The following COX15 variants were observed in gnomAD, a reference collection of about 807,000 sequenced individuals.
The protein encoded by COX15 is cytochrome c oxidase assembly factor COX15, also known as heme A synthase COX15.
Under a neutral mutation model 51.9 loss-of-function variants are expected in COX15, and 51 were observed. The ratio of observed to expected loss-of-function variants is 0.98; its 90% CI spans 0.78 to 1.24. The LOEUF (loss-of-function observed/expected upper bound fraction) is 1.24. Among genes scored for constraint, COX15 ranks in the 50% most tolerant of loss-of-function variants. The pLI, the probability that COX15 is intolerant of heterozygous loss-of-function variation, is 0.00. For missense variants in COX15, 420 were observed against 501.1 expected, an observed-to-expected ratio of 0.84 and a Z score of 1.55; for synonymous variants, 188 against 190.5, an observed-to-expected ratio of 0.99 and a Z score of 0.11.
intron 3 of COX15, 96 bp from the exon 4 acceptor site, chr10:99,727,250 C>T (rs545164430): frequency 2.8e-5 from 41 of 1,488,932 alleles, no homozygotes; most frequent in Non-Finnish European, 3.6e-5. Flanking sequence ...CTCAGTCCTG[C>T]AACTTGGTAG....
intron 5 of COX15, 106 bp from the exon 6 acceptor site, chr10:99,721,174 C>T (rs1469322883): frequency 1.1e-5 from 9 of 829,906 alleles, no homozygotes; most frequent in Non-Finnish European, 1.8e-5. Context: ...ATCAGATCTT[C>T]TCTGACCCCT....
chr10:99,697,256 T>G, the COX15 span, among the ~76,000 whole-genome samples: 1 of 152,210 alleles, frequency 6.6e-6, no homozygotes, highest in Non-Finnish European at 1.5e-5. Context: ...CTGAAAGTAC[T>G]CCTAAATCTA....
At chr10:99,730,890 CT>C (rs931223106) in intron 1 of COX15, among the ~76,000 whole-genome samples, 35 of 152,194 alleles carry the variant, frequency 2.3e-4, no homozygotes, top group African/African-American at 7.7e-4. Flanking sequence ...GCGAGACCCC[CT>C]ATCTCTATTT....
At chr10:99,704,384 A>C in the COX15 span, 14 of 1,516,600 alleles carry the variant, frequency 9.2e-6, no homozygotes, top group African/African-American at 9.6e-5. Context: ...GGGCCTTTCA[A>C]ATCAGTAAAT....
chr10:99,704,680 G>C, the COX15 span: 1 of 1,612,382 alleles, frequency 6.2e-7, no homozygotes, highest in Non-Finnish European at 8.5e-7. Flanking sequence ...AGGTGGGGCC[G>C]TGAGGCTGGA....
intron 1 of COX15, among the ~76,000 whole-genome samples, chr10:99,730,267 T>C (rs1479019379): frequency 1.3e-5 from 2 of 152,190 alleles, no homozygotes; most frequent in African/African-American, 4.8e-5. Flanking sequence ...TTCATCATTG[T>C]GTGAACCTCA....
At chr10:99,698,633 C>T in the COX15 span, 1 of 1,614,202 alleles carries the variant, frequency 6.2e-7, no homozygotes, top group Non-Finnish European at 8.5e-7. Context: ...ACAGCCAAGT[C>T]TTACATGTCC....
At chr10:99,727,622 T>A in intron 2 of COX15, 59 bp from the exon 3 acceptor site, 1 of 1,584,172 alleles carries the variant, frequency 6.3e-7, no homozygotes, top group East Asian at 2.2e-5. Context: ...TCACAAAAGG[T>A]TTATAGCAAC....
At chr10:99,704,684 G>A in the COX15 span, 3 of 1,611,718 alleles carry the variant, frequency 1.9e-6, no homozygotes, top group Non-Finnish European at 2.5e-6. Flanking sequence ...GGGGCCGTGA[G>A]GCTGGACCAG....
At chr10:99,721,125 G>A in intron 5 of COX15, 57 bp from the exon 6 acceptor site, 1 of 1,440,494 alleles carries the variant, frequency 6.9e-7, no homozygotes, top group East Asian at 2.3e-5. Context: ...ATGAGAGGCA[G>A]CAAAGATCTC....
In COX15 at chr10:99,714,675, G is replaced by A; in HGVS notation, c.1145C>T (p.Pro382Leu). The change falls in exon 9 of 9, where the codon CCT (proline) becomes CTT (leucine). Residue 382 changes from proline to leucine, a missense_variant. Coordinates refer to ENST00000016171, the MANE Select transcript of COX15 (RefSeq NM_078470.6). ...ISTLLMYVPT[P>L]LAATHQSGSL... ...GCCTGACTGGTGAGTGGCGGCCAGA[G>A]GAGTTGGGACATACATCAGCAGCGT... 1.2e-6 allele frequency: 2 copies of A among 1,614,032 alleles called. No homozygotes were observed. The highest frequency in any genetic ancestry group is 1.3e-5 in the African/African-American group (1 of 75,040).
the COX15 span, chr10:99,701,105 T>C: frequency 7.7e-6 from 11 of 1,423,236 alleles, no homozygotes; most frequent in Admixed American, 1.5e-4. Flanking sequence ...AAAATCTAGA[T>C]GGCAGATTAT....
At chr10:99,718,864 C>T (rs1013743226) in intron 6 of COX15, among the ~76,000 whole-genome samples, 3 of 152,202 alleles carry the variant, frequency 2.0e-5, no homozygotes, top group African/African-American at 7.2e-5. Context: ...GAAATGCTCT[C>T]CCACAGATGT....
rs1176236273 is a variant in COX15, at chr10:99,719,603, G to A, written c.833-1103C>T. Among the ~76,000 whole-genome samples, 5 of 151,918 alleles carry A rather than the reference G, an allele frequency of 3.3e-5. No homozygotes were observed. In the East Asian group the frequency reaches 9.7e-4, roughly 29 times the overall value. The stretch of plus-strand genomic sequence containing the variant: ...CCTCCTGGGCTCAAGCAATCCTCCC[G>A]CCTCAGCCCCCTGAGTAGCTGAGAC... On this transcript the variant is annotated intron_variant, in intron 6 of 8. Transcript: ENST00000016171.
intron 2 of COX15, among the ~76,000 whole-genome samples, chr10:99,728,012 C>T (rs948140960): frequency 1.3e-5 from 2 of 152,062 alleles, no homozygotes; most frequent in African/African-American, 4.8e-5. Context: ...ACCTATATAA[C>T]ACATAAGGTA....
chr10:99,704,416 G>GTT, the COX15 span: 1 of 1,608,416 alleles, frequency 6.2e-7, no homozygotes, highest in Admixed American at 1.7e-5. Flanking sequence ...AAACTTAACA[G>GTT]TTTTTTCCAC....
At position 99,713,697 on chromosome 10, in the gene COX15, T is replaced by G; in HGVS notation, c.*890A>C. The G allele has an allele frequency of 1.4e-6, 1 of 695,778 alleles. No individual in the cohort carries two copies. Among genetic ancestry groups the G allele is most frequent in the Non-Finnish European group, 2.3e-6 (1 of 442,942 alleles). 43.1% of individuals were successfully genotyped at this position (695,778 alleles called of 1,614,324 possible). ...TATCAAAAGAGGAACTAGCTGGGCG[T>G]GGTGGCCCATGCCTGTAATCTCAGC... is the stretch of plus-strand genomic sequence containing the variant. On this transcript the variant is annotated 3_prime_UTR_variant, in exon 9 of 9. Coordinates refer to ENST00000016171, the MANE Select transcript of COX15 (RefSeq NM_078470.6).
rs148525464 is a variant in COX15 at position 99,727,076 on chromosome 10, A to G, written c.474T>C (p.Leu158=). The G allele has an allele frequency of 8.1e-5, 131 of 1,614,204 alleles. 1 individual carries two copies. In the African/African-American group the frequency reaches 1.5e-3, roughly 19 times the overall value. Residue 158 remains leucine, a synonymous_variant, in exon 4 of 9, where the codon CTT becomes CTC. Coordinates refer to ENST00000016171, the MANE Select transcript of COX15 (RefSeq NM_078470.6). ...MEYSHRMWGR[L]VGLVYILPAA... is the part of the protein sequence containing the mutation. ...CAGGCAGGATGTACACAAGGCCTACAAGGCGACCCCACATTCGGTGTGAGT... is the reference window on the plus strand; with the variant it reads ...CAGGCAGGATGTACACAAGGCCTACGAGGCGACCCCACATTCGGTGTGAGT...
chr10:99,714,022 T>G lies in COX15; in HGVS notation c.*565A>C. 6.0e-6 allele frequency: 6 copies of G among 999,500 alleles called. No homozygotes were observed. Among genetic ancestry groups the G allele is most frequent in the Non-Finnish European group, 7.2e-6 (6 of 838,904 alleles). 61.9% of individuals were successfully genotyped at this position (999,500 alleles called of 1,614,324 possible). A position where few individuals can be genotyped will look rare whatever the true frequency, so the allele number is the denominator to read the frequency against. On this transcript the variant is annotated 3_prime_UTR_variant, in exon 9 of 9. Coordinates refer to ENST00000016171, the MANE Select transcript of COX15 (RefSeq NM_078470.6). ...TTTGGCGATTACCTCCTTTTCCAAG[T>G]ACTTAAAAACCATTTTGCTACATAT...
Sources: gnomAD v4.1 joint callset for allele counts (sites outside exome capture counted in the v4.1 genomes callset) on GRCh38, gnomAD v4.1.1 for gene constraint, MANE v1.5 for transcripts, NCBI Gene and HGNC (gene_info 2026-07-23, HGNC 2026-07-21) for gene names.